Variants in SKI observed in about 807,000 individuals in gnomAD.
SKI encodes the protein ski oncogene.
A neutral mutation model predicts 59.3 loss-of-function variants in SKI; 23 were observed. That is an observed-to-expected ratio of 0.39 (90% CI 0.28 to 0.55). SKI has a LOEUF of 0.55. Ranked by LOEUF, SKI falls within the 20% of genes least tolerant of loss-of-function variation. SKI has a pLI of 0.67. For missense variants in SKI, 1,017 were observed against 1,038.9 expected (o/e 0.98, Z 0.29); for synonymous variants, 673 against 488.6 (o/e 1.38, Z -4.98).
chr1:2,264,479 A>G (rs138945587), intron 1 of SKI, among the ~76,000 whole-genome samples: 51 of 152,116 alleles, frequency 3.4e-4, no homozygotes, highest in African/African-American at 1.2e-3. Flanking sequence ...CATGTTGGAC[A>G]GGATGGTCTT....
At chr1:2,233,885 G>A (rs942484863) in intron 1 of SKI, among the ~76,000 whole-genome samples, 5 of 152,200 alleles carry the variant, frequency 3.3e-5, no homozygotes, top group African/African-American at 7.2e-5. Context: ...TCAGCTCAGC[G>A]GCCGTGTGTG....
intron 6 of SKI, among the ~76,000 whole-genome samples, 157 bp downstream of exon 6, chr1:2,306,407 G>A (rs1640580215): frequency 1.3e-5 from 2 of 152,202 alleles, no homozygotes; most frequent in Admixed American, 1.3e-4. Context: ...AGGGTGGGTG[G>A]TTGCTGGGCC....
chr1:2,277,356 G>A (rs1639764726), intron 1 of SKI, among the ~76,000 whole-genome samples: 1 of 152,120 alleles, frequency 6.6e-6, no homozygotes, highest in African/African-American at 2.4e-5. Context: ...CATGTGTTGT[G>A]GGAGGGACCC....
chr1:2,249,857 C>G (rs1569719894), intron 1 of SKI, among the ~76,000 whole-genome samples: 1 of 152,088 alleles, frequency 6.6e-6, no homozygotes, highest in East Asian at 1.9e-4. Context: ...CAGAACATTT[C>G]GGGTTGTTGG....
intron 1 of SKI, among the ~76,000 whole-genome samples, chr1:2,253,322 G>A (rs367675635): frequency 1.8e-4 from 28 of 152,192 alleles, no homozygotes; most frequent in African/African-American, 6.3e-4. Context: ...CACCCAGGCC[G>A]GTATCACGGG....
intron 1 of SKI, among the ~76,000 whole-genome samples, chr1:2,294,296 G>A (rs994079901): frequency 6.6e-6 from 1 of 152,236 alleles, no homozygotes; most frequent in South Asian, 2.1e-4. Context: ...TTCTAGAAAA[G>A]GTTTCATCTG....
At chr1:2,261,265 A>G (rs1352945177) in intron 1 of SKI, among the ~76,000 whole-genome samples, 1 of 152,152 alleles carries the variant, frequency 6.6e-6, no homozygotes, top group Admixed American at 6.5e-5. Context: ...GCTATTCGGG[A>G]TCTTCCACTT....
chr1:2,297,362 T>C (rs1411518048), intron 1 of SKI, among the ~76,000 whole-genome samples: 2 of 152,222 alleles, frequency 1.3e-5, no homozygotes, highest in Admixed American at 6.5e-5. Flanking sequence ...AGAGTGTTGC[T>C]GGGCCATGTG....
At chr1:2,248,011 CG>C in intron 1 of SKI, 1 of 152,564 alleles carries the variant, frequency 6.6e-6, no homozygotes, top group Non-Finnish European at 1.5e-5. Context: ...GGCGCGGTGG[CG>C]GGGGGCCTTG....
chr1:2,303,337 C>T lies in SKI; in HGVS notation c.1148C>T (p.Ser383Phe). ...RQRLSAFRPWSPAVSASEKEL... is the reference protein window; with the variant it reads ...RQRLSAFRPWFPAVSASEKEL... ...CGCCTCTCTGCTTTCCGACCCTGGTCCCCCGCAGTGTCAGCGAGTGAGAAA... is the reference window on the plus strand; with the variant it reads ...CGCCTCTCTGCTTTCCGACCCTGGTTCCCCGCAGTGTCAGCGAGTGAGAAA... The change falls in exon 3 of 7, where the codon TCC (serine) becomes TTC (phenylalanine). Residue 383 changes from serine (S) to phenylalanine (F), a missense_variant. Coordinates refer to ENST00000378536, the MANE Select transcript of SKI (RefSeq NM_003036.4). This position sits in a 1 kb window ranked among gnomAD's most constrained non-coding sequence, Gnocchi z 5.6. 1.2e-6 allele frequency: 2 copies of T among 1,613,898 alleles called. No individual in the cohort carries two copies. Among genetic ancestry groups the T allele is most frequent in the Non-Finnish European group, 1.7e-6 (2 of 1,180,032 alleles).
intron 1 of SKI, among the ~76,000 whole-genome samples, chr1:2,293,459 G>C (rs543841080): frequency 6.7e-6 from 1 of 149,638 alleles, no homozygotes; most frequent in Admixed American, 6.7e-5. Flanking sequence ...GTTCTCCTGC[G>C]TCGCCCTCTC....
At chr1:2,294,581 G>C (rs532695944) in intron 1 of SKI, among the ~76,000 whole-genome samples, 4 of 152,234 alleles carry the variant, frequency 2.6e-5, no homozygotes, top group Non-Finnish European at 5.9e-5. Flanking sequence ...ACCTTGTCAC[G>C]TCCTCCACTG....
intron 1 of SKI, among the ~76,000 whole-genome samples, chr1:2,266,416 T>G (rs1270749191): frequency 6.6e-6 from 1 of 152,196 alleles, no homozygotes; most frequent in Admixed American, 6.5e-5. Flanking sequence ...TCTCCCTGAA[T>G]TGTCAGCTCC....
At chr1:2,258,700 G>A (rs1218817193) in intron 1 of SKI, among the ~76,000 whole-genome samples, 3 of 151,978 alleles carry the variant, frequency 2.0e-5, no homozygotes, top group African/African-American at 4.8e-5. Context: ...GATTATAGGC[G>A]CCTGCCACCA....
rs1234920117 is a variant in SKI at position 2,228,761 on chromosome 1, C to G, written c.-6C>G. On this transcript the variant is annotated 5_prime_UTR_variant, in exon 1 of 7. Transcript: ENST00000378536. ...GCGGGAGCGGCCGGGGGAGCCGGAG[C>G]GCACCATGGAGGCGGCGGCAGGCGG... is the stretch of plus-strand genomic sequence containing the variant. 2 of 1,222,364 alleles carry G rather than the reference C, an allele frequency of 1.6e-6. 1 individual carries two copies. Among genetic ancestry groups the G allele is most frequent in the South Asian group, 4.1e-5 (2 of 49,154 alleles). The allele number at this position is 1,222,364 out of a possible 1,614,324, so 75.7% of individuals were successfully genotyped here. A position where few individuals can be genotyped will look rare whatever the true frequency, so the allele number is the denominator to read the frequency against.
In SKI at chr1:2,229,377, C is replaced by T. The variant is rs772336192; in HGVS notation, c.611C>T (p.Ala204Val). 5.2e-5 allele frequency: 83 copies of T among 1,601,940 alleles called. No individual in the cohort carries two copies. In the South Asian group the frequency reaches 8.3e-4, roughly 16 times the overall value. The change falls in exon 1 of 7, where the codon GCC (alanine) becomes GTC (valine). Residue 204 changes from alanine (A) to valine (V), a missense_variant. Ala to Val is a moderately conservative substitution (Grantham distance 64). Transcript: ENST00000378536. This position sits in a 1 kb window ranked among gnomAD's most constrained non-coding sequence, Gnocchi z 6.3. ...AYPPPCKKEL[A>V]ASLALGLELS... ...CCGCCGCCCTGCAAGAAGGAGCTGG[C>T]CGCCAGCCTGGCGCTGGGCCTGGAG...
chr1:2,278,141 T>C (rs1639786524), intron 1 of SKI, among the ~76,000 whole-genome samples: 1 of 152,184 alleles, frequency 6.6e-6, no homozygotes, highest in Non-Finnish European at 1.5e-5. Flanking sequence ...GAGCCCAGTG[T>C]CCCCTGGACC....
intron 1 of SKI, among the ~76,000 whole-genome samples, chr1:2,257,197 T>C (rs1639292462): frequency 6.6e-6 from 1 of 152,268 alleles, no homozygotes; most frequent in African/African-American, 2.4e-5. Context: ...CTGCAGACAT[T>C]AATGATGTTT....
intron 1 of SKI, among the ~76,000 whole-genome samples, chr1:2,300,056 G>A (rs1433821745): frequency 6.6e-6 from 1 of 152,200 alleles, no homozygotes; most frequent in Non-Finnish European, 1.5e-5. Flanking sequence ...ACAGTCTTGG[G>A]CCCGCTATTC....
Sources: allele counts gnomAD v4.1 joint callset (sites outside exome capture counted in the v4.1 genomes callset), GRCh38; gene constraint gnomAD v4.1.1; non-coding constraint Gnocchi (gnomAD v3.1); transcripts MANE v1.5; gene names NCBI Gene and HGNC (gene_info 2026-07-23, HGNC 2026-07-21).